The following OPRM1 variants were observed in gnomAD, a reference collection of about 807,000 sequenced individuals.
OPRM1 encodes opioid receptor mu 1.
In OPRM1, 27 loss-of-function variants were observed where a neutral mutation model predicts 31.8. That is an observed-to-expected ratio of 0.85 (90% confidence interval 0.63 to 1.17). The LOEUF (loss-of-function observed/expected upper bound fraction) is 1.17. Ranked by LOEUF, OPRM1 falls within the 50% of genes most tolerant of loss-of-function variation. The pLI, the probability that OPRM1 is intolerant of heterozygous loss-of-function variation, is 0.00. For synonymous variants in OPRM1, 196 were observed against 189.9 expected (o/e 1.03, Z -0.26); for missense variants, 536 against 511.1 (o/e 1.05, Z -0.47).
chr6:154,129,082 G>C lies in OPRM1; in HGVS notation c.*10361G>C, dbSNP rs1797745521. On this transcript the variant is annotated 3_prime_UTR_variant, in exon 4 of 4. Coordinates refer to ENST00000330432, the MANE Select transcript of OPRM1 (RefSeq NM_000914.5). Reference sequence around the variant, plus strand: ...TAGAAGGAAGGGCTTTATTCAGCTGGGAGCATCGACCAGCTACTGTCTCAA... The same window carrying C: ...TAGAAGGAAGGGCTTTATTCAGCTGCGAGCATCGACCAGCTACTGTCTCAA... Among the ~76,000 whole-genome samples the C allele has an allele frequency of 1.3e-5, 2 of 152,124 alleles. No individual in the cohort carries two copies. The highest frequency in any genetic ancestry group is 2.9e-5 in the Non-Finnish European group (2 of 68,036).
chr6:154,063,299 A>G (rs1784753454), intron 1 of OPRM1, among the ~76,000 whole-genome samples: 1 of 152,046 alleles, frequency 6.6e-6, no homozygotes. Flanking sequence ...GTAAAGAGTT[A>G]GTAAAGCTTA....
Position 154,127,106 on chromosome 6 carries a change from C to CAAAAA in OPRM1, c.*8395_*8399dup, listed in dbSNP as rs3070836. Among the ~76,000 whole-genome samples, 2 of 144,978 alleles carry CAAAAA rather than the reference C, an allele frequency of 1.4e-5. No homozygotes were observed. Among genetic ancestry groups the CAAAAA allele is most frequent in the African/African-American group, 2.5e-5 (1 of 39,260 alleles). ...CCTGGGCAACAGAATGAGATTGTCT[C>CAAAAA]AAAAAAAAAAAAAAGTGCCACATGC... On this transcript the variant is annotated 3_prime_UTR_variant, in exon 4 of 4. Coordinates refer to ENST00000330432, the MANE Select transcript of OPRM1 (RefSeq NM_000914.5).
chr6:154,057,279 T>C (rs1258004932), intron 1 of OPRM1, among the ~76,000 whole-genome samples: 1 of 152,218 alleles, frequency 6.6e-6, no homozygotes, highest in African/African-American at 2.4e-5. Context: ...CTTAGGAGTT[T>C]CAGATATCAG....
Position 154,039,680 on chromosome 6 carries a change from G to T in OPRM1, c.136G>T (p.Gly46Cys), listed in dbSNP as rs200277068. The T allele has an allele frequency of 6.8e-6, 11 of 1,613,972 alleles. No individual in the cohort carries two copies. The highest frequency in any genetic ancestry group is 6.7e-5 in the Admixed American group (4 of 60,028). The change falls in exon 1 of 4, where the codon GGT (glycine) becomes TGT (cysteine). Residue 46 changes from glycine to cysteine, a missense_variant. Transcript: ENST00000330432. ...HLDGNLSDPC[G>C]PNRTDLGGRD... ...AGATGGCAACCTGTCCGACCCATGC[G>T]GTCCGAACCGCACCGACCTGGGCGG...
chr6:154,226,344 A>G (rs1321196936), intron 3 of OPRM1, among the ~76,000 whole-genome samples: 1 of 152,200 alleles, frequency 6.6e-6, no homozygotes, highest in Non-Finnish European at 1.5e-5. Context: ...TGGGCCCCGC[A>G]AGAGTAACAA....
chr6:154,152,975 G>C (rs1380150926), intron 3 of OPRM1, among the ~76,000 whole-genome samples: 12 of 151,134 alleles, frequency 7.9e-5, no homozygotes, highest in Admixed American at 7.3e-4. Flanking sequence ...TTGGCTTCAA[G>C]CAATCCTCCC....
At chr6:154,090,235 T>C in intron 2 of OPRM1, 57 bp downstream of exon 2, 1 of 1,151,760 alleles carries the variant, frequency 8.7e-7, no homozygotes, top group Middle Eastern at 2.0e-4. Context: ...ATGTTGGTGA[T>C]GTCATAAGCA....
At chr6:154,194,528 C>A (rs2281620) in intron 3 of OPRM1, among the ~76,000 whole-genome samples, 102,338 of 151,714 alleles carry the variant, frequency 0.67, 35,187 homozygotes, top group East Asian at 0.89. Flanking sequence ...AACTCCTCAA[C>A]CCCTCCTACT....
At chr6:154,081,246 G>T (rs1351033798) in intron 1 of OPRM1, among the ~76,000 whole-genome samples, 2 of 152,346 alleles carry the variant, frequency 1.3e-5, no homozygotes, top group East Asian at 1.9e-4. Context: ...GCTCACGCCT[G>T]TAATCCCAGC....
chr6:154,209,895 T>C (rs907110379), intron 3 of OPRM1, among the ~76,000 whole-genome samples: 5 of 152,206 alleles, frequency 3.3e-5, no homozygotes, highest in Non-Finnish European at 7.3e-5. Flanking sequence ...TTAGCATTAA[T>C]GGCCTGCCAA....
intron 1 of OPRM1, chr6:154,011,054 C>A (rs959368441): frequency 2.3e-6 from 3 of 1,288,758 alleles, no homozygotes; most frequent in Non-Finnish European, 3.0e-6. Flanking sequence ...TGAAGAAATC[C>A]TTTTCATTGC....
chr6:154,087,579 G>A (rs2128479205), intron 1 of OPRM1: 1 of 985,452 alleles, frequency 1.0e-6, no homozygotes, highest in Non-Finnish European at 1.2e-6. Context: ...CTTCTCAGGT[G>A]TGGGTCCTGC....
intron 1 of OPRM1, among the ~76,000 whole-genome samples, chr6:154,088,200 G>A (rs1791120015): frequency 6.6e-6 from 1 of 152,098 alleles, no homozygotes; most frequent in Non-Finnish European, 1.5e-5. Flanking sequence ...CTGAGTGAAA[G>A]AAGCAGCACA....
intron 1 of OPRM1, among the ~76,000 whole-genome samples, chr6:154,054,367 CAAA>C (rs1194794442): frequency 2.7e-3 from 141 of 53,026 alleles, no homozygotes; most frequent in African/African-American, 8.1e-3. Flanking sequence ...GACTCCGTCT[CAAA>C]AAAAAAAAAA....
chr6:154,147,984 G>A, intron 3 of OPRM1, among the ~76,000 whole-genome samples: 1 of 152,180 alleles, frequency 6.6e-6, no homozygotes, highest in East Asian at 1.9e-4. Context: ...ACTATATTCT[G>A]AAGGCTGATT....
chr6:154,117,080 T>C (rs760390518), intron 3 of OPRM1, among the ~76,000 whole-genome samples: 44 of 152,158 alleles, frequency 2.9e-4, no homozygotes, highest in South Asian at 6.2e-4. Context: ...TCAACCTCCA[T>C]CTATTGACTC....
intron 1 of OPRM1, among the ~76,000 whole-genome samples, chr6:154,066,833 A>T (rs1583326982): frequency 6.6e-6 from 1 of 152,264 alleles, no homozygotes; most frequent in South Asian, 2.1e-4. Flanking sequence ...TACAAAAAAC[A>T]TTTTTGTTGT....
intron 3 of OPRM1, among the ~76,000 whole-genome samples, chr6:154,210,438 C>G (rs1019764055): frequency 6.6e-6 from 1 of 152,124 alleles, no homozygotes; most frequent in African/African-American, 2.4e-5. Flanking sequence ...GAGACAAAGA[C>G]AGAGACAGAG....
chr6:154,143,258 T>C (rs944875462), intron 3 of OPRM1, among the ~76,000 whole-genome samples: 14 of 152,164 alleles, frequency 9.2e-5, no homozygotes, highest in African/African-American at 3.4e-4. Context: ...CACTCCTCTG[T>C]CCCATTGTAT....
Sources: allele counts gnomAD v4.1 joint callset (sites outside exome capture counted in the v4.1 genomes callset), GRCh38; gene constraint gnomAD v4.1.1; transcripts MANE v1.5; gene names NCBI Gene and HGNC (gene_info 2026-07-23, HGNC 2026-07-21).